The following MYT1 variants were observed in gnomAD, a reference collection of about 807,000 sequenced individuals.
MYT1 encodes myelin transcription factor I.
MYT1 carries 23 observed loss-of-function variants against 123.0 expected under a neutral mutation model. The ratio of observed to expected loss-of-function variants is 0.19; its 90% CI spans 0.13 to 0.26. The LOEUF is 0.26. MYT1 is among the 10% of genes least tolerant of loss of function. The pLI is 1.00. For synonymous variants in MYT1, 518 were observed against 575.3 expected (o/e 0.90, Z 1.43); for missense variants, 1,125 against 1,472.5 (o/e 0.76, Z 3.86).
Position 64,196,741 on chromosome 20 carries a change from C to T in MYT1, c.1-2121C>T, listed in dbSNP as rs893637468. Among the ~76,000 whole-genome samples the T allele has an allele frequency of 1.3e-5, 2 of 152,202 alleles. No homozygotes were observed. The highest frequency in any genetic ancestry group is 4.8e-5 in the African/African-American group (2 of 41,450). ...TGTCAGCTTCATCAACGGGAGCTCA[C>T]AGTTTTCAAGCAGTGCCCATTACAC... On this transcript the variant is annotated intron_variant, in intron 2 of 22. Transcript: ENST00000328439. The surrounding 1 kb of genome is among the most constrained non-coding windows in gnomAD (Gnocchi z 4.3).
chr20:64,166,449 C>T lies in MYT1; in HGVS notation c.-99+1710C>T, dbSNP rs1461515657. On this transcript the variant is annotated intron_variant, in intron 1 of 22. Transcript: ENST00000328439. This position sits in a 1 kb window ranked among gnomAD's most constrained non-coding sequence, Gnocchi z 4.9. ...GATCCAGGAGCTTGAGCAGGAGCCA[C>T]AGAGAGTTGGACAAAGAGGCCTTTC... 6.6e-6 allele frequency among the ~76,000 whole-genome samples: 1 copy of T among 152,170 alleles called. No homozygotes were observed. The highest frequency in any genetic ancestry group is 1.5e-5 in the Non-Finnish European group (1 of 68,026).
At chr20:64,228,877 C>T (rs993544109) in intron 18 of MYT1, among the ~76,000 whole-genome samples, 1 of 152,206 alleles carries the variant, frequency 6.6e-6, no homozygotes, top group Non-Finnish European at 1.5e-5. Context: ...GGTTAGGGGC[C>T]GGCTCGGTCG....
chr20:64,215,589 A>G (rs1983813496), intron 10 of MYT1, among the ~76,000 whole-genome samples: 1 of 151,738 alleles, frequency 6.6e-6, no homozygotes, highest in African/African-American at 2.4e-5. Flanking sequence ...TATTATTATT[A>G]TTATTATTTT....
At chr20:64,221,241 A>C (rs1208849440) in intron 13 of MYT1, among the ~76,000 whole-genome samples, 1 of 152,110 alleles carries the variant, frequency 6.6e-6, no homozygotes, top group Admixed American at 6.5e-5. Context: ...AGCTCTGGTT[A>C]CAGCATCCTG....
At position 64,240,404 on chromosome 20, in the gene MYT1, C is replaced by T; in HGVS notation, c.3322C>T (p.Leu1108Phe). ...CAACCAGGACCCGGAGAACAAGGACCTCCTGGAGAGCATCAAGCAGGCTGT... is the reference window on the plus strand; with the variant it reads ...CAACCAGGACCCGGAGAACAAGGACTTCCTGGAGAGCATCAAGCAGGCTGT... The part of the protein sequence containing the change: ...YSNQDPENKD[L>F]LESIKQAVRG... The change falls in exon 23 of 23, where the codon CTC becomes TTC. Residue 1108 changes from leucine to phenylalanine, a missense_variant. Physicochemically the swap from Leu to Phe is conservative, Grantham distance 22. Around this residue, in one of 4 missense-constraint regions of MYT1, gnomAD observed 243 missense variants for 323.1 expected, o/e 0.75. Coordinates refer to ENST00000328439, the MANE Select transcript of MYT1 (RefSeq NM_004535.3). The T allele has an allele frequency of 6.2e-7, 1 of 1,613,936 alleles. No individual in the cohort carries two copies. The highest frequency in any genetic ancestry group is 2.2e-5 in the East Asian group (1 of 44,888).
At position 64,205,680 on chromosome 20, in the gene MYT1, G is replaced by C; in HGVS notation, c.277G>C (p.Gly93Arg). The C allele has an allele frequency of 6.2e-7, 1 of 1,614,234 alleles. No individual in the cohort carries two copies. Among genetic ancestry groups the C allele is most frequent in the Non-Finnish European group, 8.5e-7 (1 of 1,180,032 alleles). The change falls in exon 6 of 23, where the codon GGC becomes CGC. Residue 93 changes from glycine to arginine, a missense_variant. This residue lies in a region of MYT1 where 406 missense variants were observed against 432.2 expected (regional missense o/e 0.94). Transcript: ENST00000328439. The part of the protein sequence containing the change: ...LDEGYGVDSD[G>R]SEDTEVKDAS... The stretch of plus-strand genomic sequence containing the variant: ...CGAGGGCTATGGTGTGGACAGCGAC[G>C]GCAGTGAGGACACTGAGGTGAAGGA...
chr20:64,234,317 AG>A (rs35830359), intron 19 of MYT1, among the ~76,000 whole-genome samples: 25,114 of 152,088 alleles, frequency 0.17, 2,804 homozygotes, highest in African/African-American at 0.31. Context: ...CTGGGAGGTC[AG>A]GGCTGCAAAG....
At position 64,217,302 on chromosome 20, in the gene MYT1, C is replaced by T. The variant is rs544690853; in HGVS notation, c.1846+21C>T. The stretch of plus-strand genomic sequence containing the variant: ...TCAATGTAAGTTGGGGAGAATTGTT[C>T]TTGTTTCTCTTCTGTGTTGCTCCTG... On this transcript the variant is annotated intron_variant, in intron 11 of 22. Transcript: ENST00000328439. The T allele has an allele frequency of 2.5e-6, 4 of 1,612,196 alleles. No homozygotes were observed. In the African/African-American group the frequency reaches 5.3e-5, roughly 22 times the overall value.
intron 1 of MYT1, among the ~76,000 whole-genome samples, chr20:64,178,507 G>C (rs1263980529): frequency 2.0e-5 from 3 of 152,050 alleles, no homozygotes; most frequent in African/African-American, 7.2e-5. Context: ...TTCAACGTGG[G>C]AGCACTGAGC....
chr20:64,211,076 T>A, intron 7 of MYT1, 130 bp from the exon 8 acceptor site: 1 of 1,027,628 alleles, frequency 9.7e-7, no homozygotes, highest in Non-Finnish European at 1.4e-6. Flanking sequence ...CAGTCCCTGT[T>A]CAAGCTCATG....
rs1460294131 is a variant in MYT1 at position 64,232,819 on chromosome 20, G to C, written c.2897+434G>C. Among the ~76,000 whole-genome samples the C allele has an allele frequency of 3.3e-5, 5 of 151,742 alleles. No homozygotes were observed. The highest frequency in any genetic ancestry group is 7.4e-5 in the Non-Finnish European group (5 of 67,930). On this transcript the variant is annotated intron_variant, in intron 19 of 22. Transcript: ENST00000328439. The surrounding 1 kb of genome is among the most constrained non-coding windows in gnomAD (Gnocchi z 6.9). ...GTTTGTCTCCTACACCTTATGCCCT[G>C]TCCGTCCCATTCATGCCTCTTCTTT...
Position 64,219,806 on chromosome 20 carries a change from T to G in MYT1, c.2065T>G (p.Cys689Gly). ...RENAFPSSSS[C>G]SSSPGVKSPD... ...AAATGCTTTCCCCAGCAGCAGCAGC[T>G]GCAGCAGCAGCCCCGGTGTGAAGTC... The change falls in exon 13 of 23, where the codon TGC becomes GGC. Residue 689 changes from cysteine (C) to glycine (G), a missense_variant. By Grantham distance (159) the Cys-to-Gly change is radical. Coordinates refer to ENST00000328439, the MANE Select transcript of MYT1 (RefSeq NM_004535.3). The G allele has an allele frequency of 6.2e-7, 1 of 1,613,842 alleles. No individual in the cohort carries two copies. The highest frequency in any genetic ancestry group is 8.5e-7 in the Non-Finnish European group (1 of 1,179,946).
At chr20:64,201,624 C>T (rs942138037) in intron 4 of MYT1, among the ~76,000 whole-genome samples, 1 of 152,226 alleles carries the variant, frequency 6.6e-6, no homozygotes, top group Middle Eastern at 3.2e-3. Context: ...TGGCTGACTG[C>T]GTGCCCCAGC....
intron 10 of MYT1, among the ~76,000 whole-genome samples, chr20:64,216,214 T>G (rs536521356): frequency 6.6e-6 from 1 of 152,342 alleles, no homozygotes; most frequent in African/African-American, 2.4e-5. Flanking sequence ...AGTCATTGCT[T>G]GGTCCAGACA....
intron 6 of MYT1, among the ~76,000 whole-genome samples, chr20:64,206,657 G>T (rs753553627): frequency 6.6e-6 from 1 of 152,212 alleles, no homozygotes; most frequent in Non-Finnish European, 1.5e-5. Context: ...CCCTTGGGGG[G>T]CTCTGGAGTG....
At chr20:64,198,738 T>G in intron 2 of MYT1, 124 bp from the exon 3 acceptor site, 1 of 1,010,528 alleles carries the variant, frequency 9.9e-7, no homozygotes, top group African/African-American at 1.6e-5. Context: ...CTTGTCATTC[T>G]GTGCCCAAAA....
At chr20:64,198,835 G>T in intron 2 of MYT1, 27 bp from the exon 3 acceptor site, 1 of 1,613,950 alleles carries the variant, frequency 6.2e-7, no homozygotes, top group Non-Finnish European at 8.5e-7. Flanking sequence ...GGGTTTTCTT[G>T]TTAACGTCGT....
chr20:64,235,883 T>TGGTGGGTGACCCTGGGATGGCCGC (rs1568722846), intron 19 of MYT1, among the ~76,000 whole-genome samples: 7 of 130,030 alleles, frequency 5.4e-5, no homozygotes, highest in East Asian at 2.6e-4. Context: ...GGGATGGTCA[T>TGGTGGGTGACCCTGGGATGGCCGC]GGTGGGTGAC....
In MYT1 at chr20:64,185,868, G is replaced by A. The variant is rs1220801493; in HGVS notation, c.-98-4195G>A. 6.6e-6 allele frequency among the ~76,000 whole-genome samples: 1 copy of A among 152,214 alleles called. No homozygotes were observed. Among genetic ancestry groups the A allele is most frequent in the African/African-American group, 2.4e-5 (1 of 41,464 alleles). ...CATGACGACAGAAGGAAACCTTGGGGTAGGCCAGCAGCACTTCCTGGGAAG... is the reference window on the plus strand; with the variant it reads ...CATGACGACAGAAGGAAACCTTGGGATAGGCCAGCAGCACTTCCTGGGAAG... On this transcript the variant is annotated intron_variant, in intron 1 of 22. Coordinates refer to ENST00000328439, the MANE Select transcript of MYT1 (RefSeq NM_004535.3). This position sits in a 1 kb window ranked among gnomAD's most constrained non-coding sequence, Gnocchi z 4.5.
Sources: allele counts gnomAD v4.1 joint callset (sites outside exome capture counted in the v4.1 genomes callset), GRCh38; gene constraint gnomAD v4.1.1; regional missense constraint gnomAD v4.1.1; non-coding constraint Gnocchi (gnomAD v3.1); transcripts MANE v1.5; gene names NCBI Gene and HGNC (gene_info 2026-07-23, HGNC 2026-07-21).